The following CAST variants were observed in gnomAD, a reference collection of about 807,000 sequenced individuals.
CAST encodes the protein MIR583 host.
In CAST, 76 loss-of-function variants were observed where a neutral mutation model predicts 119.6. The ratio of observed to expected loss-of-function variants is 0.64; its 90% CI spans 0.53 to 0.77. The LOEUF is 0.77. CAST is among the 30% of genes least tolerant of loss of function. The pLI is 0.00. For synonymous variants in CAST, 319 were observed against 331.6 expected, an observed-to-expected ratio of 0.96 and a Z score of 0.41; for missense variants, 953 against 946.5, an observed-to-expected ratio of 1.01 and a Z score of -0.09.
At chr5:96,005,109 T>C in the CAST span, among the ~76,000 whole-genome samples, 9 of 152,118 alleles carry the variant, frequency 5.9e-5, no homozygotes, top group Admixed American at 5.9e-4. Context: ...ATAAAAACAG[T>C]TTTAGATAAG....
At chr5:96,374,870 A>T in the CAST span, among the ~76,000 whole-genome samples, 1 of 152,044 alleles carries the variant, frequency 6.6e-6, no homozygotes, top group African/African-American at 2.4e-5. Flanking sequence ...TCCGGCTCTC[A>T]ATCTCGGGTA....
intron 9 of CAST, 61 bp from the exon 10 acceptor site, chr5:96,736,111 G>A: frequency 1.0e-6 from 1 of 987,966 alleles, no homozygotes; most frequent in South Asian, 1.4e-5. Context: ...TTTAAAATTT[G>A]TAATAGTATT....
upstream of CAST, among the ~76,000 whole-genome samples, chr5:96,657,126 A>G (rs1748171124): frequency 6.6e-6 from 1 of 152,220 alleles, no homozygotes; most frequent in African/African-American, 2.4e-5. Flanking sequence ...CTATTTTATA[A>G]TCAAACACCA....
At chr5:96,179,719 A>G in the CAST span, among the ~76,000 whole-genome samples, 539 of 152,332 alleles carry the variant, frequency 3.5e-3, 5 homozygotes, top group Non-Finnish European at 3.0e-3. Context: ...TGTCACGTTG[A>G]GAGAACGTTA....
chr5:96,412,752 G>GTTTTTTTTTT, the CAST span, among the ~76,000 whole-genome samples: 8 of 71,800 alleles, frequency 1.1e-4, no homozygotes, highest in African/African-American at 4.5e-4. Flanking sequence ...CAGCTGTGAT[G>GTTTTTTTTTT]TTTTTTTTTT....
At chr5:96,050,432 A>AG in the CAST span, among the ~76,000 whole-genome samples, 6 of 151,606 alleles carry the variant, frequency 4.0e-5, no homozygotes, top group South Asian at 4.2e-4. Context: ...AAACCAGAAA[A>AG]GGGGGGGTCA....
At chr5:96,258,979 G>A in the CAST span, among the ~76,000 whole-genome samples, 1 of 152,184 alleles carries the variant, frequency 6.6e-6, no homozygotes, top group Non-Finnish European at 1.5e-5. Context: ...AATCCCAAGT[G>A]GGAAGAGGTT....
At chr5:96,239,131 T>C in the CAST span, among the ~76,000 whole-genome samples, 48 of 152,238 alleles carry the variant, frequency 3.2e-4, no homozygotes, top group African/African-American at 1.0e-3. Flanking sequence ...TTTAACAACT[T>C]CATTGTTTTT....
chr5:96,538,865 G>A (rs1331436227), intron 1 of CAST, among the ~76,000 whole-genome samples: 1 of 144,066 alleles, frequency 6.9e-6, no homozygotes, highest in East Asian at 2.1e-4. Flanking sequence ...ATCTCAGGAA[G>A]TGAAGATCAA....
the CAST span, among the ~76,000 whole-genome samples, chr5:96,097,450 C>G: frequency 2.0e-5 from 3 of 151,656 alleles, no homozygotes; most frequent in African/African-American, 7.3e-5. Flanking sequence ...GGTATTAAAC[C>G]TAGTTCCCAT....
the CAST span, among the ~76,000 whole-genome samples, chr5:96,035,041 G>GTATA: frequency 5.1e-3 from 551 of 107,946 alleles, 4 homozygotes; most frequent in African/African-American, 0.012. Flanking sequence ...TTGTATTTAA[G>GTATA]TATATATATA....
chr5:96,059,106 A>G, the CAST span, among the ~76,000 whole-genome samples: 1 of 152,014 alleles, frequency 6.6e-6, no homozygotes, highest in Non-Finnish European at 1.5e-5. Context: ...CCCACCCCTT[A>G]CCTGAAGGCA....
At chr5:96,184,120 G>C in the CAST span, among the ~76,000 whole-genome samples, 1 of 152,084 alleles carries the variant, frequency 6.6e-6, no homozygotes, top group Non-Finnish European at 1.5e-5. Flanking sequence ...GCCAGGATAG[G>C]TACAGCCCAG....
intron 3 of CAST, chr5:96,696,431 T>C (rs1234948599): frequency 2.6e-5 from 4 of 152,208 alleles, no homozygotes; most frequent in African/African-American, 9.7e-5. Context: ...AGGTTTCCTG[T>C]TAAGAGGTCT....
chr5:95,980,993 G>A, the CAST span, among the ~76,000 whole-genome samples: 1 of 152,190 alleles, frequency 6.6e-6, no homozygotes, highest in Admixed American at 6.5e-5. Flanking sequence ...GTCACAGGGA[G>A]CAATACAACC....
the CAST span, among the ~76,000 whole-genome samples, chr5:96,262,238 A>G: frequency 6.6e-6 from 1 of 152,194 alleles, no homozygotes; most frequent in Non-Finnish European, 1.5e-5. Context: ...GTGGTGGCCC[A>G]GGTCTGAGGC....
At chr5:96,249,856 C>G in the CAST span, among the ~76,000 whole-genome samples, 12 of 152,304 alleles carry the variant, frequency 7.9e-5, no homozygotes, top group African/African-American at 2.9e-4. Flanking sequence ...TTAATCTCCT[C>G]TACCATATTC....
At chr5:96,563,999 T>C (rs1746428146) in intron 1 of CAST, among the ~76,000 whole-genome samples, 1 of 152,240 alleles carries the variant, frequency 6.6e-6, no homozygotes, top group African/African-American at 2.4e-5. Context: ...ACACAGGCTC[T>C]GTAGGAAAGG....
chr5:96,469,057 G>T, the CAST span, among the ~76,000 whole-genome samples: 1 of 152,048 alleles, frequency 6.6e-6, no homozygotes, highest in Non-Finnish European at 1.5e-5. Context: ...TATTATGGAA[G>T]AACACTGTCT....
Sources: allele counts gnomAD v4.1 joint callset (sites outside exome capture counted in the v4.1 genomes callset), GRCh38; gene constraint gnomAD v4.1.1; transcripts MANE v1.5; gene names NCBI Gene and HGNC (gene_info 2026-07-23, HGNC 2026-07-21).